MARCHF4: variants seen among roughly 807,000 people sequenced by gnomAD.
MARCHF4 encodes membrane associated ring-CH-type finger 4.
A neutral mutation model predicts 43.9 loss-of-function variants in MARCHF4; 14 were observed. That is an observed-to-expected ratio of 0.32 (90% CI 0.21 to 0.50). The LOEUF is 0.50. MARCHF4 is among the 20% of genes least tolerant of loss of function. The probability of loss-of-function intolerance (pLI) is 0.98; values close to 1 mark genes in which losing one functional copy is unlikely to be tolerated. For synonymous variants in MARCHF4, 226 were observed against 213.3 expected, an observed-to-expected ratio of 1.06 and a Z score of -0.52; for missense variants, 468 against 536.7, an observed-to-expected ratio of 0.87 and a Z score of 1.27.
At chr2:216,283,426 C>T (rs577393193) in intron 2 of MARCHF4, 148 bp downstream of exon 2, 5 of 838,290 alleles carry the variant, frequency 6.0e-6, no homozygotes, top group Non-Finnish European at 1.8e-6. Flanking sequence ...CCTCCTGCCC[C>T]ACGCCGCCCA....
chr2:216,268,787 G>A (rs1274613687), intron 3 of MARCHF4, among the ~76,000 whole-genome samples: 2 of 152,172 alleles, frequency 1.3e-5, no homozygotes, highest in Non-Finnish European at 2.9e-5. Context: ...GAAATTAAAA[G>A]GTTTTACAGG....
chr2:216,345,724 C>A (rs1692309551), intron 1 of MARCHF4, among the ~76,000 whole-genome samples: 1 of 152,174 alleles, frequency 6.6e-6, no homozygotes, highest in Non-Finnish European at 1.5e-5. Context: ...TTAGAAGTAC[C>A]TGCATGAGCC....
chr2:216,277,569 C>T (rs1691046720), intron 3 of MARCHF4, 103 bp downstream of exon 3: 1 of 1,239,582 alleles, frequency 8.1e-7, no homozygotes, highest in Non-Finnish European at 1.1e-6. Context: ...AAGCCTGGGG[C>T]CATATCTGCT....
chr2:216,330,623 A>C (rs1692069636), intron 1 of MARCHF4, among the ~76,000 whole-genome samples: 1 of 152,218 alleles, frequency 6.6e-6, no homozygotes, highest in South Asian at 2.1e-4. Context: ...ATATTGTGGC[A>C]AAAACCAAGT....
chr2:216,343,280 C>G (rs1314130906), intron 1 of MARCHF4, among the ~76,000 whole-genome samples: 1 of 152,156 alleles, frequency 6.6e-6, no homozygotes, highest in Non-Finnish European at 1.5e-5. Context: ...GCTGGAAAAT[C>G]TGAGATCAGG....
intron 1 of MARCHF4, among the ~76,000 whole-genome samples, chr2:216,323,535 T>G (rs535066248): frequency 6.6e-6 from 1 of 152,244 alleles, no homozygotes; most frequent in Non-Finnish European, 1.5e-5. Context: ...ACACCACACC[T>G]ATTCCAAAAT....
intron 1 of MARCHF4, among the ~76,000 whole-genome samples, chr2:216,354,934 T>TCTTC (rs1692468296): frequency 2.9e-5 from 4 of 136,358 alleles, no homozygotes; most frequent in South Asian, 2.5e-4. Context: ...TTTCTTTCTT[T>TCTTC]CTTTCTTTCT....
chr2:216,357,697 C>T (rs1165598337), intron 1 of MARCHF4, among the ~76,000 whole-genome samples: 1 of 152,162 alleles, frequency 6.6e-6, no homozygotes, highest in Non-Finnish European at 1.5e-5. Context: ...TCTAATTAGA[C>T]TATTTTTAAT....
chr2:216,305,688 C>A (rs989610020), intron 1 of MARCHF4, among the ~76,000 whole-genome samples: 1 of 152,218 alleles, frequency 6.6e-6, no homozygotes, highest in Non-Finnish European at 1.5e-5. Flanking sequence ...TGGCCAAGAG[C>A]ACTGAATCCA....
chr2:216,282,762 T>C (rs1691150153), intron 2 of MARCHF4, among the ~76,000 whole-genome samples: 1 of 152,170 alleles, frequency 6.6e-6, no homozygotes, highest in Admixed American at 6.5e-5. Flanking sequence ...CCCTAAGTTC[T>C]GTCTGAATCT....
intron 1 of MARCHF4, among the ~76,000 whole-genome samples, chr2:216,363,063 C>A (rs565275455): frequency 1.5e-4 from 23 of 152,078 alleles, no homozygotes; most frequent in Non-Finnish European, 3.2e-4. Context: ...GCTTTTCCAG[C>A]ATACCAGCTG....
At chr2:216,275,344 C>T (rs1691002624) in intron 3 of MARCHF4, among the ~76,000 whole-genome samples, 1 of 152,110 alleles carries the variant, frequency 6.6e-6, no homozygotes, top group Non-Finnish European at 1.5e-5. Context: ...AGCGGGAGTG[C>T]TGGGAGGCTC....
chr2:216,331,931 C>A (rs1012863733), intron 1 of MARCHF4, among the ~76,000 whole-genome samples: 9 of 151,962 alleles, frequency 5.9e-5, no homozygotes, highest in African/African-American at 2.2e-4. Flanking sequence ...GCACACATCA[C>A]GATTTCTATT....
intron 1 of MARCHF4, among the ~76,000 whole-genome samples, chr2:216,326,783 G>C (rs1691999613): frequency 6.7e-6 from 1 of 149,810 alleles, no homozygotes; most frequent in Non-Finnish European, 1.5e-5. Flanking sequence ...GACACAGGAA[G>C]GGGAACATCA....
chr2:216,309,262 T>C (rs1020913765), intron 1 of MARCHF4, among the ~76,000 whole-genome samples: 3 of 152,206 alleles, frequency 2.0e-5, no homozygotes, highest in African/African-American at 7.2e-5. Flanking sequence ...TGGAACAGAA[T>C]AAGACAGGTG....
chr2:216,339,768 G>A (rs1692209784), intron 1 of MARCHF4, among the ~76,000 whole-genome samples: 1 of 152,044 alleles, frequency 6.6e-6, no homozygotes, highest in African/African-American at 2.4e-5. Context: ...TTTTATTGGG[G>A]CCTCTCAAGT....
chr2:216,336,321 T>G (rs1197559313), intron 1 of MARCHF4, among the ~76,000 whole-genome samples: 2 of 152,136 alleles, frequency 1.3e-5, no homozygotes, highest in Non-Finnish European at 2.9e-5. Flanking sequence ...ATACACTTTT[T>G]GAATATTAAA....
At chr2:216,362,868 G>C (rs940477615) in intron 1 of MARCHF4, among the ~76,000 whole-genome samples, 1 of 152,162 alleles carries the variant, frequency 6.6e-6, no homozygotes, top group Non-Finnish European at 1.5e-5. Flanking sequence ...TGCATCTCAG[G>C]AGGGGGATGG....
intron 2 of MARCHF4, among the ~76,000 whole-genome samples, chr2:216,278,090 G>A (rs961762869): frequency 6.6e-6 from 1 of 152,184 alleles, no homozygotes; most frequent in African/African-American, 2.4e-5. Flanking sequence ...ATTGTAAGGA[G>A]GGGGCTCTAG....
Sources: gnomAD v4.1 joint callset for allele counts (sites outside exome capture counted in the v4.1 genomes callset) on GRCh38, gnomAD v4.1.1 for gene constraint, MANE v1.5 for transcripts, NCBI Gene and HGNC (gene_info 2026-07-23, HGNC 2026-07-21) for gene names.